Variants in GDPD5 observed in about 807,000 individuals in gnomAD.
GDPD5 encodes the protein glycerophosphodiester phosphodiesterase domain containing 5, also known as glycerophosphodiester phosphodiesterase 2.
GDPD5 carries 48 observed loss-of-function variants against 75.1 expected under a neutral mutation model. That is an observed-to-expected ratio of 0.64 (90% CI 0.51 to 0.81). The LOEUF (loss-of-function observed/expected upper bound fraction) is 0.81. Among genes scored for constraint, GDPD5 ranks in the 40% least tolerant of loss-of-function variants. The pLI, the probability that GDPD5 is intolerant of heterozygous loss-of-function variation, is 0.00. For missense variants in GDPD5, 706 were observed against 822.6 expected, an observed-to-expected ratio of 0.86 and a Z score of 1.73; for synonymous variants, 336 against 339.0, an observed-to-expected ratio of 0.99 and a Z score of 0.10.
chr11:75,449,062 G>C lies in GDPD5; in HGVS notation c.629C>G (p.Pro210Arg). ...FTVVFALYLA[P>R]LTISSPCIME... Reference sequence around the variant, plus strand: ...GATGCAGGGAGAGGAGATGGTGAGAGGGGCCAGGTAGAGGGCAAACACCAC... The same window carrying C: ...GATGCAGGGAGAGGAGATGGTGAGACGGGCCAGGTAGAGGGCAAACACCAC... The change falls in exon 9 of 17, where the codon CCT becomes CGT. Residue 210 changes from proline to arginine, a missense_variant. Transcript: ENST00000336898. 1 of 1,606,350 alleles carries C rather than the reference G, an allele frequency of 6.2e-7. No individual in the cohort carries two copies. The highest frequency in any genetic ancestry group is 1.7e-4 in the Middle Eastern group (1 of 6,034).
At chr11:75,480,880 C>T (rs1480378181) in intron 2 of GDPD5, among the ~76,000 whole-genome samples, 1 of 152,180 alleles carries the variant, frequency 6.6e-6, no homozygotes, top group African/African-American at 2.4e-5. Flanking sequence ...CCATAAATAA[C>T]ATTTCATTGG....
At chr11:75,451,908 A>G (rs1949168619) in intron 6 of GDPD5, 3 of 152,232 alleles carry the variant, frequency 2.0e-5, no homozygotes, top group African/African-American at 7.2e-5. Context: ...TAGCAATAGC[A>G]CTGACACCCA....
chr11:75,502,311 G>A (rs985546788), intron 1 of GDPD5, among the ~76,000 whole-genome samples: 1 of 152,174 alleles, frequency 6.6e-6, no homozygotes, highest in African/African-American at 2.4e-5. Context: ...TCAGTTTGGT[G>A]AACTCCTATA....
At chr11:75,437,246 C>T (rs1012850067) in intron 15 of GDPD5, 198 bp from the exon 16 acceptor site, 26 of 562,638 alleles carry the variant, frequency 4.6e-5, no homozygotes, top group Non-Finnish European at 8.2e-5. Flanking sequence ...GGCCAGGGCT[C>T]CCTGGCCTCC....
chr11:75,467,730 G>A (rs1292459149), intron 3 of GDPD5, among the ~76,000 whole-genome samples: 1 of 152,070 alleles, frequency 6.6e-6, no homozygotes, highest in African/African-American at 2.4e-5. Flanking sequence ...GGCTGAGGTG[G>A]GGGCTGCTGT....
At chr11:75,497,989 G>A in intron 1 of GDPD5, among the ~76,000 whole-genome samples, 1 of 152,132 alleles carries the variant, frequency 6.6e-6, no homozygotes, top group Non-Finnish European at 1.5e-5. Context: ...TACAAACATA[G>A]GGCACTGAGG....
intron 1 of GDPD5, among the ~76,000 whole-genome samples, chr11:75,519,163 T>C (rs192549772): frequency 2.7e-4 from 41 of 152,260 alleles, no homozygotes; most frequent in Admixed American, 7.8e-4. Flanking sequence ...GTGAGAGGCC[T>C]GTGGAGTCCA....
chr11:75,519,619 T>G (rs1950713701), intron 1 of GDPD5, among the ~76,000 whole-genome samples: 1 of 152,192 alleles, frequency 6.6e-6, no homozygotes, highest in Non-Finnish European at 1.5e-5. Flanking sequence ...CTCACAACTC[T>G]ATGATGAAGA....
At chr11:75,441,124 C>A in intron 14 of GDPD5, 39 bp downstream of exon 14, 1 of 1,600,546 alleles carries the variant, frequency 6.2e-7, no homozygotes, top group Non-Finnish European at 8.6e-7. Context: ...TAGGCAGCTC[C>A]AGCACTGCCC....
chr11:75,472,786 T>G (rs181383409), intron 3 of GDPD5, among the ~76,000 whole-genome samples: 1 of 151,946 alleles, frequency 6.6e-6, no homozygotes, highest in African/African-American at 2.4e-5. Context: ...GTCCCTGGAG[T>G]GTGCAGGCCC....
intron 5 of GDPD5, 107 bp from the exon 6 acceptor site, chr11:75,456,923 CAGAGGCA>C (rs1949297437): frequency 2.7e-6 from 3 of 1,113,586 alleles, no homozygotes; most frequent in Non-Finnish European, 4.1e-6. Flanking sequence ...TGACCCTGGG[CAGAGGCA>C]GCGAACCTCC....
At chr11:75,447,010 A>G (rs1949002544) in intron 9 of GDPD5, among the ~76,000 whole-genome samples, 1 of 152,068 alleles carries the variant, frequency 6.6e-6, no homozygotes, top group Non-Finnish European at 1.5e-5. Flanking sequence ...CAGCCTCCCA[A>G]GTAGCTGGGA....
At chr11:75,443,628 T>C (rs1948898436) in intron 10 of GDPD5, among the ~76,000 whole-genome samples, 1 of 152,208 alleles carries the variant, frequency 6.6e-6, no homozygotes, top group African/African-American at 2.4e-5. Context: ...GGGAAGTATC[T>C]AGCTCAAGGT....
At chr11:75,453,833 A>G (rs1049834368) in intron 6 of GDPD5, among the ~76,000 whole-genome samples, 5 of 152,198 alleles carry the variant, frequency 3.3e-5, no homozygotes, top group African/African-American at 9.6e-5. Flanking sequence ...GAAGCCATCT[A>G]AAAAGAACAG....
intron 2 of GDPD5, among the ~76,000 whole-genome samples, chr11:75,487,731 T>C (rs950587287): frequency 2.0e-5 from 3 of 152,196 alleles, no homozygotes; most frequent in African/African-American, 7.2e-5. Context: ...CCCAGGGGCC[T>C]TGGGTTCTCT....
intron 1 of GDPD5, among the ~76,000 whole-genome samples, chr11:75,518,464 T>C (rs1592170331): frequency 6.6e-6 from 1 of 152,254 alleles, no homozygotes; most frequent in African/African-American, 2.4e-5. Context: ...CAGGGGAGCT[T>C]CATCAACTAC....
At chr11:75,439,784 GGC>G in intron 15 of GDPD5, 93 bp downstream of exon 15, 1 of 1,009,956 alleles carries the variant, frequency 9.9e-7, no homozygotes, top group Non-Finnish European at 1.6e-6. Context: ...TCCTGGCTGA[GGC>G]CCAGGGCTCA....
In GDPD5 at chr11:75,519,988, G is replaced by T. The variant is rs371580261; in HGVS notation, c.-145+5222C>A. 2.2e-3 allele frequency among the ~76,000 whole-genome samples: 340 copies of T among 152,308 alleles called. 4 individuals carry two copies. In the South Asian group the frequency reaches 0.029, roughly 13 times the overall value. ...CACCTGGGTCATTTCTTCTGCGTAG[G>T]CCTGAGAAGAAAACCCAAGTCCCCA... is the stretch of plus-strand genomic sequence containing the variant. On this transcript the variant is annotated intron_variant, in intron 1 of 16. Coordinates refer to ENST00000336898, the MANE Select transcript of GDPD5 (RefSeq NM_030792.8).
At chr11:75,456,927 G>A (rs1949297545) in intron 5 of GDPD5, 111 bp from the exon 6 acceptor site, 3 of 1,048,052 alleles carry the variant, frequency 2.9e-6, no homozygotes, top group Non-Finnish European at 4.4e-6. Flanking sequence ...CCTGGGCAGA[G>A]GCAGCGAACC....
Sources: gnomAD v4.1 joint callset for allele counts (sites outside exome capture counted in the v4.1 genomes callset) on GRCh38, gnomAD v4.1.1 for gene constraint, MANE v1.5 for transcripts, NCBI Gene and HGNC (gene_info 2026-07-23, HGNC 2026-07-21) for gene names.